CNTNAP4: variants seen among roughly 807,000 people sequenced by gnomAD.
CNTNAP4 encodes the protein contactin-associated protein-like 4.
CNTNAP4 carries 98 observed loss-of-function variants against 148.4 expected under a neutral mutation model. That is an observed-to-expected ratio of 0.66 (90% CI 0.56 to 0.78). The LOEUF is 0.78. CNTNAP4 is among the 30% of genes least tolerant of loss of function. The probability of loss-of-function intolerance (pLI) is 0.00; values close to 1 mark genes in which losing one functional copy is unlikely to be tolerated. For missense variants in CNTNAP4, 1,935 were observed against 1,565.6 expected (o/e 1.24, Z -3.98); for synonymous variants, 730 against 565.1 (o/e 1.29, Z -4.14).
chr16:76,290,812 T>G (rs2143826823), intron 1 of CNTNAP4, among the ~76,000 whole-genome samples: 1 of 152,308 alleles, frequency 6.6e-6, no homozygotes, highest in East Asian at 1.9e-4. Context: ...AATGAGTGGC[T>G]TAAACAATGT....
intron 10 of CNTNAP4, 93 bp from the exon 11 acceptor site, chr16:76,475,846 G>T: frequency 1.3e-6 from 1 of 770,538 alleles, no homozygotes; most frequent in Non-Finnish European, 2.2e-6. Flanking sequence ...TGTTATAGTT[G>T]ACATCTGTCT....
intron 1 of CNTNAP4, among the ~76,000 whole-genome samples, chr16:76,309,461 T>G (rs774735327): frequency 4.6e-5 from 7 of 152,140 alleles, no homozygotes; most frequent in South Asian, 2.1e-4. Context: ...TAGGGGAGGC[T>G]GTAGGCAGGC....
intron 10 of CNTNAP4, among the ~76,000 whole-genome samples, chr16:76,473,682 G>A (rs1314827843): frequency 6.6e-6 from 1 of 152,112 alleles, no homozygotes; most frequent in Non-Finnish European, 1.5e-5. Flanking sequence ...GCTGAGGCAG[G>A]AGAATGGCAT....
chr16:76,431,165 T>G (rs1452806773), intron 4 of CNTNAP4, among the ~76,000 whole-genome samples: 2 of 152,220 alleles, frequency 1.3e-5, no homozygotes, highest in Middle Eastern at 3.4e-3. Context: ...TATTTTCACA[T>G]GGGAGACTGA....
intron 4 of CNTNAP4, among the ~76,000 whole-genome samples, chr16:76,442,719 T>A (rs1431944539): frequency 6.6e-6 from 1 of 152,128 alleles, no homozygotes; most frequent in Non-Finnish European, 1.5e-5. Flanking sequence ...ATTCACTCAC[T>A]ACCCTGAGAA....
intron 3 of CNTNAP4, among the ~76,000 whole-genome samples, chr16:76,384,294 G>A (rs552819214): frequency 1.3e-5 from 2 of 152,030 alleles, no homozygotes; most frequent in South Asian, 2.1e-4. Context: ...CACCCACCTC[G>A]GCCTCCCAAA....
At chr16:76,474,868 A>G (rs909278261) in intron 10 of CNTNAP4, among the ~76,000 whole-genome samples, 2 of 152,210 alleles carry the variant, frequency 1.3e-5, no homozygotes, top group Admixed American at 6.5e-5. Context: ...CAATGCCATA[A>G]CAACTTAGGA....
intron 4 of CNTNAP4, among the ~76,000 whole-genome samples, chr16:76,440,707 A>T (rs1333668465): frequency 6.6e-6 from 1 of 152,164 alleles, no homozygotes. Flanking sequence ...TTTGGTGAAC[A>T]TTAGGCCAAG....
intron 4 of CNTNAP4, among the ~76,000 whole-genome samples, chr16:76,443,946 T>C (rs993455627): frequency 6.6e-6 from 1 of 152,182 alleles, no homozygotes; most frequent in Non-Finnish European, 1.5e-5. Flanking sequence ...TCCAAACGTA[T>C]GTTTTCAGTT....
rs749451878 is a variant in CNTNAP4 at position 76,521,313 on chromosome 16, A to G, written c.2536+3A>G. On this transcript the variant is annotated splice_donor_region_variant and intron_variant, in intron 16 of 23. Coordinates refer to ENST00000611870, the MANE Select transcript of CNTNAP4 (RefSeq NM_033401.5). ...TTTTATACGGATAGAGCTTCGCTGT[A>G]AGTCTCCTTTTCCAGAGAAGTGTAT... 7 of 1,595,758 alleles carry G rather than the reference A, an allele frequency of 4.4e-6. No individual in the cohort carries two copies. The Admixed American group carries it at 1.3e-4, about 29-fold the overall frequency.
At chr16:76,402,845 G>T (rs148824979) in intron 3 of CNTNAP4, among the ~76,000 whole-genome samples, 1 of 151,824 alleles carries the variant, frequency 6.6e-6, no homozygotes, top group African/African-American at 2.4e-5. Flanking sequence ...CCATGTAATT[G>T]CATGGTTTTG....
chr16:76,397,972 A>G lies in CNTNAP4; in HGVS notation c.391-29480A>G, dbSNP rs1158643914. ...TATATATATATATATATATATATAT[A>G]TATATATATATATATATATATATAT... On this transcript the variant is annotated intron_variant, in intron 3 of 23. Transcript: ENST00000611870. Among the ~76,000 whole-genome samples the G allele has an allele frequency of 1.4e-3, 80 of 58,910 alleles. 7 individuals are homozygous for G. The highest frequency in any genetic ancestry group is 3.9e-3 in the African/African-American group (56 of 14,364). The allele number at this position is 58,910 out of a possible 152,430, so 38.6% of individuals were successfully genotyped here.
rs142687421 is a variant in CNTNAP4, at chr16:76,306,566, T to C, written c.86-9847T>C. 8.0e-3 allele frequency among the ~76,000 whole-genome samples: 1,220 copies of C among 152,266 alleles called. 16 individuals carry two copies. Among genetic ancestry groups the C allele is most frequent in the African/African-American group, 0.028 (1,162 of 41,542 alleles). ...TCTAACTGGTGCTCAAGTCAGAGGATTTGAACGTGAGATGTCACAGGCAGG... is the reference window on the plus strand; with the variant it reads ...TCTAACTGGTGCTCAAGTCAGAGGACTTGAACGTGAGATGTCACAGGCAGG... On this transcript the variant is annotated intron_variant, in intron 1 of 23. Transcript: ENST00000611870.
intron 3 of CNTNAP4, among the ~76,000 whole-genome samples, chr16:76,407,443 A>G (rs1351834127): frequency 6.6e-6 from 1 of 151,918 alleles, no homozygotes; most frequent in Non-Finnish European, 1.5e-5. Context: ...GATGCTATTA[A>G]GAACATTTGT....
intron 15 of CNTNAP4, among the ~76,000 whole-genome samples, chr16:76,516,405 A>G (rs1277569506): frequency 6.6e-6 from 1 of 152,184 alleles, no homozygotes; most frequent in Non-Finnish European, 1.5e-5. Context: ...ATAAACATAC[A>G]TGTGCAAATG....
chr16:76,535,923 A>G (rs1246101571), intron 18 of CNTNAP4, 139 bp downstream of exon 18: 4 of 849,134 alleles, frequency 4.7e-6, no homozygotes, highest in Admixed American at 2.6e-5. Context: ...TGTTGAATGT[A>G]AAGAATGAGT....
chr16:76,553,896 C>T lies in CNTNAP4; in HGVS notation c.3722C>T (p.Ala1241Val). Reference protein sequence around the residue: ...PLANAIKSDSAVIGGLIAVVI... With the variant: ...PLANAIKSDSVVIGGLIAVVI... ...GCTAATGCAATCAAAAGTGACTCTG[C>T]AGTAATTGGAGGTAATAAGAAGCAT... is the stretch of plus-strand genomic sequence containing the variant. The change falls in exon 23 of 24, where the codon GCA becomes GTA. Residue 1241 changes from alanine to valine, a missense_variant. By Grantham distance (64) the Ala-to-Val change is moderately conservative (BLOSUM62 0). Transcript: ENST00000611870. 1 of 1,600,750 alleles carries T rather than the reference C, an allele frequency of 6.2e-7. No individual in the cohort carries two copies. The highest frequency in any genetic ancestry group is 1.1e-5 in the South Asian group (1 of 90,600).
At chr16:76,444,953 T>C (rs935521988) in intron 4 of CNTNAP4, among the ~76,000 whole-genome samples, 2 of 152,174 alleles carry the variant, frequency 1.3e-5, no homozygotes, top group African/African-American at 4.8e-5. Flanking sequence ...TTTGTTCCTT[T>C]CAGGTCCCCT....
intron 7 of CNTNAP4, among the ~76,000 whole-genome samples, chr16:76,451,166 C>T (rs989846407): frequency 6.6e-6 from 1 of 152,142 alleles, no homozygotes; most frequent in Non-Finnish European, 1.5e-5. Context: ...AACAAACCAG[C>T]CGCTGTGTGA....
Sources: allele counts gnomAD v4.1 joint callset (sites outside exome capture counted in the v4.1 genomes callset), GRCh38; gene constraint gnomAD v4.1.1; transcripts MANE v1.5; gene names NCBI Gene and HGNC (gene_info 2026-07-23, HGNC 2026-07-21).